The following BRD4 variants were observed in gnomAD, a reference collection of about 807,000 sequenced individuals.
BRD4 encodes bromodomain containing 4, also known as bromodomain-containing protein 4.
In BRD4, 16 loss-of-function variants were observed where a neutral mutation model predicts 142.1. The observed-to-expected ratio is 0.11, with a 90% CI of 0.08 to 0.17. BRD4 has a LOEUF of 0.17. Ranked by LOEUF, BRD4 falls within the 10% of genes least tolerant of loss-of-function variation. The probability of loss-of-function intolerance (pLI) is 1.00; values close to 1 mark genes in which losing one functional copy is unlikely to be tolerated. For missense variants in BRD4, 1,424 were observed against 1,810.9 expected, an observed-to-expected ratio of 0.79 and a Z score of 3.88; for synonymous variants, 833 against 707.5, an observed-to-expected ratio of 1.18 and a Z score of -2.82.
At chr19:15,316,818 T>TG in intron 1 of BRD4, among the ~76,000 whole-genome samples, 1 of 152,292 alleles carries the variant, frequency 6.6e-6, no homozygotes, top group Middle Eastern at 3.4e-3. Flanking sequence ...CCCCTCACAC[T>TG]GGTGAGCACC....
Position 15,262,258 on chromosome 19 carries a change from T to C in BRD4, c.1341+1162A>G, listed in dbSNP as rs564061204. On this transcript the variant is annotated intron_variant, in intron 7 of 19. Coordinates refer to ENST00000679869, the MANE Select transcript of BRD4 (RefSeq NM_001379291.1). ...CACTTCTGCCCTGGAAGCAGATGGC[T>C]GCGACAGCCAGGTGTGCAGAAGCCC... 5.3e-5 allele frequency among the ~76,000 whole-genome samples: 8 copies of C among 152,298 alleles called. 1 individual carries two copies. In the South Asian group the frequency reaches 1.7e-3, roughly 32 times the overall value.
intron 1 of BRD4, among the ~76,000 whole-genome samples, chr19:15,324,545 ACCTTC>A (rs2048091767): frequency 6.6e-6 from 1 of 152,148 alleles, no homozygotes. Flanking sequence ...GAGACCTTAC[ACCTTC>A]CTGGGGACCA....
chr19:15,237,612 A>C lies in BRD4; in HGVS notation c.*765T>G, dbSNP rs1774902084. On this transcript the variant is annotated 3_prime_UTR_variant, in exon 20 of 20. Transcript: ENST00000679869. ...AAAAATAAAATAGAATTCAACAAAA[A>C]ATATATATAGAAAAAAAAGAAAAAA... is the stretch of plus-strand genomic sequence containing the variant. 1 of 230,042 alleles carries C rather than the reference A, an allele frequency of 4.3e-6. No individual in the cohort carries two copies. Among genetic ancestry groups the C allele is most frequent in the South Asian group, 1.8e-4 (1 of 5,500 alleles). 14.3% of individuals were successfully genotyped at this position (230,042 alleles called of 1,614,324 possible).
intron 14 of BRD4, among the ~76,000 whole-genome samples, chr19:15,240,594 G>A (rs979509223): frequency 2.6e-5 from 4 of 152,180 alleles, no homozygotes; most frequent in East Asian, 1.9e-4. Flanking sequence ...CTCCACCTGC[G>A]CCGAGTGGGG....
intron 1 of BRD4, among the ~76,000 whole-genome samples, chr19:15,315,514 G>GC (rs1568409952): frequency 2.0e-5 from 3 of 152,142 alleles, no homozygotes; most frequent in African/African-American, 7.2e-5. Flanking sequence ...GGGGATTGGG[G>GC]GGGGGAAGCA....
chr19:15,242,510 C>T (rs747634180), intron 14 of BRD4, among the ~76,000 whole-genome samples: 14 of 152,162 alleles, frequency 9.2e-5, no homozygotes, highest in African/African-American at 1.2e-4. Context: ...CCCTGAACTT[C>T]ATTCTTCACT....
At chr19:15,305,808 A>G (rs904980397) in intron 1 of BRD4, among the ~76,000 whole-genome samples, 1 of 152,210 alleles carries the variant, frequency 6.6e-6, no homozygotes, top group Non-Finnish European at 1.5e-5. Context: ...TTCTTCCAAT[A>G]AACTATTTTG....
chr19:15,284,934 C>T (rs1383783173), intron 1 of BRD4, among the ~76,000 whole-genome samples: 1 of 152,242 alleles, frequency 6.6e-6, no homozygotes, highest in African/African-American at 2.4e-5. Flanking sequence ...AGCAGCCCAA[C>T]TCTTACACTG....
intron 11 of BRD4, 73 bp from the exon 12 acceptor site, chr19:15,244,835 C>G (rs1022202708): frequency 2.5e-6 from 4 of 1,608,658 alleles, no homozygotes; most frequent in East Asian, 2.2e-5. Context: ...TGAAGAAAGA[C>G]GAGAAAACAG....
At chr19:15,273,253 G>A (rs1201668659) in intron 1 of BRD4, 120 bp from the exon 2 acceptor site, 4 of 1,011,746 alleles carry the variant, frequency 4.0e-6, no homozygotes, top group South Asian at 1.8e-5. Flanking sequence ...AGCTAGCCAA[G>A]TTGGCCAGAG....
In BRD4 at chr19:15,239,544, G is replaced by T; in HGVS notation, c.3446-22C>A. ...GGCCCTGGAACATAAACAGCCGGTG[G>T]GCCCTGGCCCACCTCACCCCAGTGG... On this transcript the variant is annotated intron_variant, in intron 16 of 19. Transcript: ENST00000679869. This position sits in a 1 kb window ranked among gnomAD's most constrained non-coding sequence, Gnocchi z 7.4. 1 of 1,597,728 alleles carries T rather than the reference G, an allele frequency of 6.3e-7. No individual in the cohort carries two copies. The highest frequency in any genetic ancestry group is 8.5e-7 in the Non-Finnish European group (1 of 1,173,884).
chr19:15,295,929 C>A (rs2047819301), intron 1 of BRD4, among the ~76,000 whole-genome samples: 1 of 152,164 alleles, frequency 6.6e-6, no homozygotes, highest in Admixed American at 6.5e-5. Flanking sequence ...TGAGATTGTG[C>A]CACTGCACTC....
rs868574166 is a variant in BRD4 at position 15,268,610 on chromosome 19, T to C, written c.423+295A>G. ...GCCACTATTCTCCTCACACCTTCTC[T>C]ACTAGACATGCTCAGGAACCAAAAT... On this transcript the variant is annotated intron_variant, in intron 3 of 19. Coordinates refer to ENST00000679869, the MANE Select transcript of BRD4 (RefSeq NM_001379291.1). Among the ~76,000 whole-genome samples, 4 of 152,208 alleles carry C rather than the reference T, an allele frequency of 2.6e-5. No homozygotes were observed. In the Middle Eastern group the frequency reaches 0.014, roughly 518 times the overall value.
chr19:15,245,584 T>C (rs1316855492), intron 11 of BRD4, among the ~76,000 whole-genome samples: 1 of 152,090 alleles, frequency 6.6e-6, no homozygotes, highest in African/African-American at 2.4e-5. Flanking sequence ...AGAGGTGTAC[T>C]CGAGAGCCAG....
Position 15,239,678 on chromosome 19 carries a change from G to A in BRD4, c.3426C>T (p.Ala1142=), listed in dbSNP as rs199544374. The change falls in exon 16 of 20, where the codon GCC becomes GCT. Residue 1142 remains alanine (A), a synonymous_variant. Transcript: ENST00000679869. This position sits in a 1 kb window ranked among gnomAD's most constrained non-coding sequence, Gnocchi z 7.4. ...EPPKHPESIK[A]PVHLPQRPEM... ...ACTCACGCTGGGGCAGGTGGACGGG[G>A]GCCTTGATGCTCTCCGGGTGCTTGG... 68 of 1,585,186 alleles carry A rather than the reference G, an allele frequency of 4.3e-5. No individual in the cohort carries two copies. In the African/African-American group the frequency reaches 8.7e-4, roughly 20 times the overall value.
In BRD4 at chr19:15,237,479, C is replaced by T. The variant is rs1232066282; in HGVS notation, c.*898G>A. ...CTATGTTCACTATACAGTACAGCCA[C>T]GGTCACACACTACCCACAGCGCGGT... is the stretch of plus-strand genomic sequence containing the variant. On this transcript the variant is annotated 3_prime_UTR_variant, in exon 20 of 20. Coordinates refer to ENST00000679869, the MANE Select transcript of BRD4 (RefSeq NM_001379291.1). 1.3e-5 allele frequency: 3 copies of T among 226,016 alleles called. No individual in the cohort carries two copies. Among genetic ancestry groups the T allele is most frequent in the South Asian group, 1.8e-4 (1 of 5,466 alleles). The allele number at this position is 226,016 out of a possible 1,614,324, so 14.0% of individuals were successfully genotyped here. A position where few individuals can be genotyped will look rare whatever the true frequency, so the allele number is the denominator to read the frequency against.
rs777100242 is a variant in BRD4 at position 15,255,345 on chromosome 19, G to A, written c.1999C>T (p.Leu667=). The part of the protein sequence containing the change: ...ETLKPSTLRE[L]ERYVTSCLRK... ...AAACAGGAGGTGACATAGCGCTCCA[G>A]CTCACGCAGTGTGGACGGCTTCAGG... Residue 667 remains leucine, a synonymous_variant, in exon 10 of 20, where the codon CTG becomes TTG. Transcript: ENST00000679869. 6.2e-7 allele frequency: 1 copy of A among 1,614,142 alleles called. No homozygotes were observed. The highest frequency in any genetic ancestry group is 8.5e-7 in the Non-Finnish European group (1 of 1,180,028).
chr19:15,253,706 C>A (rs2145563065), intron 11 of BRD4: 1 of 1,598,442 alleles, frequency 6.3e-7, no homozygotes, highest in Non-Finnish European at 8.5e-7. Flanking sequence ...CGAAGCATCT[C>A]CCTGAAGCGG....
intron 2 of BRD4, 29 bp from the exon 3 acceptor site, chr19:15,269,071 T>C (rs201134976): frequency 1.9e-6 from 3 of 1,612,412 alleles, no homozygotes; most frequent in Non-Finnish European, 2.5e-6. Context: ...AAGTCCAGTG[T>C]CACCTAGGCA....
Sources: allele counts gnomAD v4.1 joint callset (sites outside exome capture counted in the v4.1 genomes callset), GRCh38; gene constraint gnomAD v4.1.1; non-coding constraint Gnocchi (gnomAD v3.1); transcripts MANE v1.5; gene names NCBI Gene and HGNC (gene_info 2026-07-23, HGNC 2026-07-21).